The following PTPRQ variants were observed in gnomAD, a reference collection of about 807,000 sequenced individuals.
The protein encoded by PTPRQ is phosphatidylinositol phosphatase PTPRQ.
A neutral mutation model predicts 246.0 loss-of-function variants in PTPRQ; 199 were observed. The observed-to-expected ratio is 0.81, with a 90% CI of 0.72 to 0.91. The LOEUF is 0.91. Among genes scored for constraint, PTPRQ ranks in the 40% least tolerant of loss-of-function variants. PTPRQ has a pLI of 0.00. For missense variants in PTPRQ, 2,624 were observed against 2,528.4 expected, an observed-to-expected ratio of 1.04 and a Z score of -0.81; for synonymous variants, 869 against 853.2, an observed-to-expected ratio of 1.02 and a Z score of -0.32.
intron 24 of PTPRQ, among the ~76,000 whole-genome samples, chr12:80,548,176 A>G (rs1393522766): frequency 6.6e-6 from 1 of 152,048 alleles, no homozygotes; most frequent in East Asian, 1.9e-4. Flanking sequence ...TTGTACCCCA[A>G]CATTCTATAC....
At chr12:80,460,964 G>T in intron 6 of PTPRQ, 62 bp downstream of exon 6, 1 of 397,572 alleles carries the variant, frequency 2.5e-6, no homozygotes, top group Non-Finnish European at 4.4e-6. Flanking sequence ...TTTAATTTAT[G>T]TAGATATTTA....
chr12:80,573,413 C>T (rs545732383), intron 25 of PTPRQ, among the ~76,000 whole-genome samples: 2 of 151,864 alleles, frequency 1.3e-5, no homozygotes, highest in African/African-American at 2.4e-5. Flanking sequence ...GGCGTGAACC[C>T]GGGAGGTGGA....
chr12:80,666,844 A>G (rs1900801580), intron 39 of PTPRQ, among the ~76,000 whole-genome samples: 2 of 151,978 alleles, frequency 1.3e-5, no homozygotes, highest in Admixed American at 1.3e-4. Context: ...AAATGTATCC[A>G]TATCTGATCA....
chr12:80,609,148 T>C (rs561019253), intron 27 of PTPRQ, among the ~76,000 whole-genome samples: 2 of 150,636 alleles, frequency 1.3e-5, no homozygotes, highest in South Asian at 2.1e-4. Flanking sequence ...CTTTTTTTTC[T>C]TTTTTTATAG....
intron 6 of PTPRQ, among the ~76,000 whole-genome samples, chr12:80,466,320 A>C (rs1893410306): frequency 6.6e-6 from 1 of 152,196 alleles, no homozygotes; most frequent in Admixed American, 6.5e-5. Flanking sequence ...GACCTCTTCA[A>C]GGAGAAGTAC....
chr12:80,501,004 T>C (rs1339154846), intron 14 of PTPRQ, among the ~76,000 whole-genome samples: 3 of 151,902 alleles, frequency 2.0e-5, no homozygotes. Context: ...GTGATATTAA[T>C]GAGGTACAGG....
intron 17 of PTPRQ, among the ~76,000 whole-genome samples, chr12:80,527,433 CT>C (rs1483862809): frequency 4.6e-5 from 7 of 151,960 alleles, no homozygotes. Context: ...AAATATTATG[CT>C]TTGCTCTCCC....
rs75577755 is a variant in PTPRQ at position 80,567,452 on chromosome 12, C to T, written c.4285+17718C>T. On this transcript the variant is annotated intron_variant, in intron 25 of 44. Transcript: ENST00000644991. ...GGCATACACCCATGGAACCACCATTCATCCACCATATAGAGCATTTCCATC... is the reference window on the plus strand; with the variant it reads ...GGCATACACCCATGGAACCACCATTTATCCACCATATAGAGCATTTCCATC... 5.1e-4 allele frequency among the ~76,000 whole-genome samples: 77 copies of T among 152,326 alleles called. 2 individuals carry two copies. In the East Asian group the frequency reaches 8.7e-3, roughly 17 times the overall value.
intron 16 of PTPRQ, among the ~76,000 whole-genome samples, chr12:80,510,078 G>T (rs374435119): frequency 1.8e-4 from 27 of 152,044 alleles, no homozygotes; most frequent in African/African-American, 2.9e-4. Flanking sequence ...CATACCCCTT[G>T]TTCTTCTTTC....
intron 6 of PTPRQ, among the ~76,000 whole-genome samples, chr12:80,465,917 C>G (rs1893388219): frequency 6.6e-6 from 1 of 152,132 alleles, no homozygotes; most frequent in African/African-American, 2.4e-5. Flanking sequence ...TGGGCAAAAA[C>G]TGGAAGCATT....
chr12:80,453,236 T>C (rs7299348), intron 3 of PTPRQ, among the ~76,000 whole-genome samples: 16,225 of 152,238 alleles, frequency 0.11, 1,213 homozygotes, highest in African/African-American at 0.21. Flanking sequence ...TAAGCACTTC[T>C]CTATATTCGT....
intron 34 of PTPRQ, among the ~76,000 whole-genome samples, chr12:80,634,325 G>T (rs985504556): frequency 6.6e-6 from 1 of 152,116 alleles, no homozygotes; most frequent in Non-Finnish European, 1.5e-5. Flanking sequence ...GTGTCATGGA[G>T]AAATAAGCAT....
chr12:80,598,591 C>G (rs375848372), intron 26 of PTPRQ, among the ~76,000 whole-genome samples: 1 of 151,892 alleles, frequency 6.6e-6, no homozygotes, highest in South Asian at 2.1e-4. Flanking sequence ...GACTTGTAGT[C>G]CTTGAAGTTG....
chr12:80,587,754 G>C (rs1250792101), intron 25 of PTPRQ, among the ~76,000 whole-genome samples: 5 of 151,826 alleles, frequency 3.3e-5, no homozygotes, highest in Non-Finnish European at 1.5e-5. Context: ...TCTTCCCTTG[G>C]AACTGAATAT....
intron 17 of PTPRQ, among the ~76,000 whole-genome samples, chr12:80,520,568 T>A (rs1323515749): frequency 2.2e-5 from 3 of 139,228 alleles, no homozygotes; most frequent in Admixed American, 7.6e-5. Flanking sequence ...TGTCCATGTG[T>A]TCTCATTGTT....
intron 39 of PTPRQ, among the ~76,000 whole-genome samples, chr12:80,661,585 C>A (rs1271304797): frequency 1.3e-5 from 2 of 151,394 alleles, no homozygotes; most frequent in Non-Finnish European, 1.5e-5. Flanking sequence ...ACAAATATAT[C>A]ACCATCAATG....
At chr12:80,616,098 T>C in intron 29 of PTPRQ, 102 bp from the exon 30 acceptor site, 1 of 621,550 alleles carries the variant, frequency 1.6e-6, no homozygotes, top group African/African-American at 2.0e-5. Flanking sequence ...TATATATAAC[T>C]ATATATATAC....
chr12:80,541,521 A>G (rs11114502), intron 20 of PTPRQ, 34 bp from the exon 21 acceptor site: 1 of 1,397,202 alleles, frequency 7.2e-7, no homozygotes, highest in Middle Eastern at 1.9e-4. Flanking sequence ...AGGGTAACTG[A>G]TGATTTTTGT....
At chr12:80,635,415 C>A (rs1313245312) in intron 35 of PTPRQ, among the ~76,000 whole-genome samples, 2 of 152,112 alleles carry the variant, frequency 1.3e-5, no homozygotes, top group Non-Finnish European at 2.9e-5. Context: ...GAAGTGTCCA[C>A]ATTTTCAATC....
Sources: allele counts gnomAD v4.1 joint callset (sites outside exome capture counted in the v4.1 genomes callset), GRCh38; gene constraint gnomAD v4.1.1; transcripts MANE v1.5; gene names NCBI Gene and HGNC (gene_info 2026-07-23, HGNC 2026-07-21).